SDK1: variants seen among roughly 807,000 people sequenced by gnomAD.
SDK1 encodes the protein sidekick cell adhesion molecule 1.
Under a neutral mutation model 245.5 loss-of-function variants are expected in SDK1, and 157 were observed. The observed-to-expected ratio is 0.64, with a 90% CI of 0.56 to 0.73. The LOEUF is 0.73. Ranked by LOEUF, SDK1 falls within the 30% of genes least tolerant of loss-of-function variation. SDK1 has a pLI of 0.00. For synonymous variants in SDK1, 1,647 were observed against 1,278.5 expected (o/e 1.29, Z -6.15); for missense variants, 3,583 against 3,002.3 (o/e 1.19, Z -4.52).
chr7:3,525,393 G>A (rs1562539593), intron 1 of SDK1, among the ~76,000 whole-genome samples: 1 of 151,996 alleles, frequency 6.6e-6, no homozygotes, highest in Non-Finnish European at 1.5e-5. Flanking sequence ...CTTGCTCCTG[G>A]GGTTGTTTGA....
At chr7:3,581,053 G>A (rs566710897) in intron 1 of SDK1, among the ~76,000 whole-genome samples, 13 of 149,908 alleles carry the variant, frequency 8.7e-5, no homozygotes, top group African/African-American at 2.0e-4. Context: ...AAGAACTGGC[G>A]TTAATTGTAT....
At chr7:4,169,607 T>C (rs1274802738) in intron 32 of SDK1, among the ~76,000 whole-genome samples, 4 of 152,230 alleles carry the variant, frequency 2.6e-5, no homozygotes, top group African/African-American at 9.6e-5. Flanking sequence ...CCCGGTGCAC[T>C]ATAGCTCAGG....
chr7:3,820,644 T>C (rs1260878374), intron 4 of SDK1, among the ~76,000 whole-genome samples: 7 of 152,230 alleles, frequency 4.6e-5, no homozygotes, highest in African/African-American at 9.6e-5. Context: ...TATGGTATGA[T>C]TGGATGAGTA....
At chr7:4,232,729 C>T (rs934940894) in intron 40 of SDK1, among the ~76,000 whole-genome samples, 3 of 151,928 alleles carry the variant, frequency 2.0e-5, no homozygotes, top group Non-Finnish European at 4.4e-5. Flanking sequence ...TCTCAAAGTA[C>T]TGGGATAACA....
At chr7:4,141,047 G>T (rs1353071251) in intron 28 of SDK1, among the ~76,000 whole-genome samples, 1 of 152,210 alleles carries the variant, frequency 6.6e-6, no homozygotes, top group African/African-American at 2.4e-5. Context: ...CCGGCTCCCT[G>T]CTGTCTAGTC....
At chr7:3,829,756 G>A (rs1779868711) in intron 5 of SDK1, among the ~76,000 whole-genome samples, 1 of 152,122 alleles carries the variant, frequency 6.6e-6, no homozygotes, top group African/African-American at 2.4e-5. Context: ...GCTTGGTTTT[G>A]TTTTAAAAAA....
chr7:3,379,479 A>G (rs900396404), intron 1 of SDK1, among the ~76,000 whole-genome samples: 19 of 152,270 alleles, frequency 1.2e-4, no homozygotes, highest in African/African-American at 4.3e-4. Flanking sequence ...GAGTGTTCCA[A>G]GCTTTGGAAA....
chr7:3,326,062 A>G (rs775656219), intron 1 of SDK1, among the ~76,000 whole-genome samples: 15 of 152,158 alleles, frequency 9.9e-5, no homozygotes, highest in African/African-American at 1.7e-4. Context: ...CTATTGTACA[A>G]TATTTCTTAA....
intron 1 of SDK1, among the ~76,000 whole-genome samples, chr7:3,398,100 T>G (rs897421542): frequency 6.6e-6 from 1 of 151,942 alleles, no homozygotes; most frequent in Non-Finnish European, 1.5e-5. Context: ...AACTGTAGGT[T>G]TAACGTTTTC....
At chr7:3,561,777 C>G (rs1455652985) in intron 1 of SDK1, among the ~76,000 whole-genome samples, 1 of 152,172 alleles carries the variant, frequency 6.6e-6, no homozygotes, top group Admixed American at 6.5e-5. Context: ...TACACTGTTT[C>G]TAACAAGCAA....
chr7:3,522,747 C>T (rs1172322502), intron 1 of SDK1, among the ~76,000 whole-genome samples: 1 of 152,150 alleles, frequency 6.6e-6, no homozygotes, highest in Non-Finnish European at 1.5e-5. Context: ...AATCACTGAC[C>T]AATTCCAGCT....
chr7:4,245,750 T>G lies in SDK1; in HGVS notation c.6326T>G (p.Val2109Gly). ...ATCTGCAACAAGTACAACGGCGCCG[T>G]GCTGACCGAGAGCGTGAGCCTCAAG... ...EDICNKYNGAVLTESVSLKEK... is the reference protein window; with the variant it reads ...EDICNKYNGAGLTESVSLKEK... Residue 2109 changes from valine (V) to glycine (G), a missense_variant, in exon 44 of 45, where the codon GTG becomes GGG. Val to Gly is a moderately radical substitution (Grantham distance 109). Transcript: ENST00000404826. 6.2e-7 allele frequency: 1 copy of G among 1,613,978 alleles called. No individual in the cohort carries two copies. Among genetic ancestry groups the G allele is most frequent in the Non-Finnish European group, 8.5e-7 (1 of 1,179,960 alleles).
At chr7:4,219,056 T>A (rs1784993954) in intron 38 of SDK1, among the ~76,000 whole-genome samples, 1 of 152,252 alleles carries the variant, frequency 6.6e-6, no homozygotes. Flanking sequence ...GACTTTTGCA[T>A]GATCACTTGT....
chr7:3,956,918 C>A (rs1390071720), intron 7 of SDK1, among the ~76,000 whole-genome samples: 1 of 152,154 alleles, frequency 6.6e-6, no homozygotes, highest in African/African-American at 2.4e-5. Context: ...TCGAGGGAAG[C>A]CTCGGGGGAC....
chr7:4,022,056 G>A (rs1054647410), intron 17 of SDK1, among the ~76,000 whole-genome samples: 1 of 152,190 alleles, frequency 6.6e-6, no homozygotes, highest in Non-Finnish European at 1.5e-5. Flanking sequence ...GGGGCTTGAA[G>A]TACCCCCAGC....
At chr7:4,051,856 T>G (rs774932748) in intron 19 of SDK1, 26 bp downstream of exon 19, 1 of 1,587,774 alleles carries the variant, frequency 6.3e-7, no homozygotes, top group Non-Finnish European at 8.6e-7. Context: ...TGCGTGTCTC[T>G]TAAGTCACTT....
chr7:4,156,601 G>A (rs1780753612), intron 30 of SDK1, among the ~76,000 whole-genome samples: 1 of 152,176 alleles, frequency 6.6e-6, no homozygotes, highest in African/African-American at 2.4e-5. Flanking sequence ...AGTGTCACCT[G>A]GTCTTAAGCA....
At chr7:3,511,961 G>A (rs1475323010) in intron 1 of SDK1, among the ~76,000 whole-genome samples, 1 of 150,234 alleles carries the variant, frequency 6.7e-6, no homozygotes, top group Non-Finnish European at 1.5e-5. Context: ...AGCCTGTATT[G>A]ACACCAGGAT....
At position 4,077,054 on chromosome 7, in the gene SDK1, C is replaced by T. The variant is rs1780729504; in HGVS notation, c.3067C>T (p.Leu1023=). 6.2e-7 allele frequency: 1 copy of T among 1,614,188 alleles called. No homozygotes were observed. The highest frequency in any genetic ancestry group is 8.5e-7 in the Non-Finnish European group (1 of 1,180,018). The change falls in exon 21 of 45, where the codon CTG becomes TTG. Residue 1023 remains leucine (L), a synonymous_variant. Coordinates refer to ENST00000404826, the MANE Select transcript of SDK1 (RefSeq NM_152744.4). ...GAACGACTCTCGTCTCACGCACACC[C>T]TGAACAGCACGACGCACGAGTACAA... ...GRNDSRLTHT[L]NSTTHEYKIQ...
Sources: gnomAD v4.1 joint callset for allele counts (sites outside exome capture counted in the v4.1 genomes callset) on GRCh38, gnomAD v4.1.1 for gene constraint, MANE v1.5 for transcripts, NCBI Gene and HGNC (gene_info 2026-07-23, HGNC 2026-07-21) for gene names.